NOX3: variants seen among roughly 807,000 people sequenced by gnomAD.
The protein encoded by NOX3 is NADPH oxidase catalytic subunit-like 3.
NOX3 carries 74 observed loss-of-function variants against 76.7 expected under a neutral mutation model. The ratio of observed to expected loss-of-function variants is 0.96; its 90% CI spans 0.80 to 1.17. NOX3 has a LOEUF of 1.17. NOX3 is among the 50% of genes most tolerant of loss of function. NOX3 has a pLI of 0.00. For missense variants in NOX3, 695 were observed against 703.3 expected, an observed-to-expected ratio of 0.99 and a Z score of 0.13; for synonymous variants, 263 against 261.1, an observed-to-expected ratio of 1.01 and a Z score of -0.07.
At chr6:155,408,521 CCTT>C (rs987796705) in intron 11 of NOX3, among the ~76,000 whole-genome samples, 1 of 152,120 alleles carries the variant, frequency 6.6e-6, no homozygotes, top group African/African-American at 2.4e-5. Context: ...TCCTGGCTGA[CCTT>C]CTCTCCAGTC....
chr6:155,419,900 C>T (rs1776667817), intron 10 of NOX3, among the ~76,000 whole-genome samples: 1 of 151,772 alleles, frequency 6.6e-6, no homozygotes, highest in Non-Finnish European at 1.5e-5. Flanking sequence ...ACCTTAATAC[C>T]CTTAAATTTT....
At chr6:155,405,970 A>C (rs1776452371) in intron 12 of NOX3, among the ~76,000 whole-genome samples, 1 of 152,118 alleles carries the variant, frequency 6.6e-6, no homozygotes, top group Admixed American at 6.5e-5. Context: ...CTCCTACAGC[A>C]TGGCTCTTGC....
chr6:155,399,857 C>A (rs163002), intron 12 of NOX3, among the ~76,000 whole-genome samples: 5,827 of 152,072 alleles, frequency 0.038, 183 homozygotes, highest in East Asian at 0.084. Flanking sequence ...AGATTCTCCG[C>A]AAAAGAAGTA....
intron 4 of NOX3, among the ~76,000 whole-genome samples, chr6:155,453,018 A>G (rs926322816): frequency 6.6e-6 from 1 of 152,146 alleles, no homozygotes; most frequent in Non-Finnish European, 1.5e-5. Flanking sequence ...TATTGCCCAC[A>G]ATACTATTTG....
At chr6:155,445,897 A>G (rs1474925330) in intron 4 of NOX3, among the ~76,000 whole-genome samples, 1 of 129,232 alleles carries the variant, frequency 7.7e-6, no homozygotes, top group Non-Finnish European at 1.6e-5. Flanking sequence ...CTATATATAT[A>G]TATTATATAT....
chr6:155,402,470 A>G (rs1213302168), intron 12 of NOX3, among the ~76,000 whole-genome samples: 1 of 152,242 alleles, frequency 6.6e-6, no homozygotes, highest in Non-Finnish European at 1.5e-5. Flanking sequence ...AACAAAAACA[A>G]TAGAACACAC....
chr6:155,450,813 G>A (rs900223580), intron 4 of NOX3, among the ~76,000 whole-genome samples: 5 of 152,146 alleles, frequency 3.3e-5, no homozygotes, highest in Admixed American at 2.6e-4. Context: ...AGATAAGACT[G>A]TGGCAGGGGG....
At chr6:155,438,487 G>A (rs997235688) in intron 6 of NOX3, among the ~76,000 whole-genome samples, 8 of 152,346 alleles carry the variant, frequency 5.3e-5, no homozygotes, top group Admixed American at 1.3e-4. Context: ...CACTTCTTCC[G>A]TGGAGAATGT....
intron 6 of NOX3, among the ~76,000 whole-genome samples, chr6:155,438,633 C>T (rs1776940956): frequency 2.0e-5 from 3 of 152,164 alleles, no homozygotes; most frequent in South Asian, 2.1e-4. Flanking sequence ...AGATTGGAGG[C>T]GTTGTTGACT....
rs141436588 is a variant in NOX3, at chr6:155,432,908, CT to C, written c.799-1974del. On this transcript the variant is annotated intron_variant, in intron 7 of 13. Coordinates refer to ENST00000159060, the MANE Select transcript of NOX3 (RefSeq NM_015718.3). ...ACCGAGCAAAGGAATCCTTAGGTCT[CT>C]TATGCTTGAATGAACCAGAAAGCTT... Among the ~76,000 whole-genome samples, 1,504 of 152,226 alleles carry C rather than the reference CT, an allele frequency of 9.9e-3. 10 individuals are homozygous for C. Among genetic ancestry groups the C allele is most frequent in the East Asian group, 0.03 (157 of 5,180 alleles).
intron 10 of NOX3, among the ~76,000 whole-genome samples, chr6:155,412,752 C>A (rs992825055): frequency 6.6e-6 from 1 of 152,168 alleles, no homozygotes; most frequent in African/African-American, 2.4e-5. Context: ...GGCTCACGTT[C>A]ATCCATCCGT....
intron 12 of NOX3, among the ~76,000 whole-genome samples, chr6:155,406,455 A>G (rs1207455628): frequency 1.3e-5 from 2 of 152,198 alleles, no homozygotes; most frequent in African/African-American, 4.8e-5. Flanking sequence ...ATATAATGAT[A>G]ATAATAATAG....
chr6:155,396,578 T>C (rs913787727), intron 13 of NOX3, among the ~76,000 whole-genome samples: 1 of 152,236 alleles, frequency 6.6e-6, no homozygotes, highest in African/African-American at 2.4e-5. Flanking sequence ...TTTCATGTTA[T>C]AAGAAAATTA....
intron 13 of NOX3, 84 bp downstream of exon 13, chr6:155,396,725 T>A: frequency 8.8e-7 from 1 of 1,142,516 alleles, no homozygotes; most frequent in South Asian, 1.6e-5. Context: ...GACCATACAG[T>A]GCATAGAGCC....
At chr6:155,446,536 C>G (rs111465619) in intron 4 of NOX3, among the ~76,000 whole-genome samples, 1 of 152,164 alleles carries the variant, frequency 6.6e-6, no homozygotes, top group South Asian at 2.1e-4. Context: ...AAGGAATTTG[C>G]TGTTGATTCG....
intron 11 of NOX3, among the ~76,000 whole-genome samples, chr6:155,410,106 A>G (rs77040742): frequency 0.028 from 4,267 of 152,308 alleles, 144 homozygotes; most frequent in East Asian, 0.15. Flanking sequence ...CATAATTAAC[A>G]CTATATAATT....
chr6:155,437,248 G>T (rs1448312365), intron 6 of NOX3, among the ~76,000 whole-genome samples: 1 of 152,138 alleles, frequency 6.6e-6, no homozygotes, highest in Non-Finnish European at 1.5e-5. Flanking sequence ...CAAGCTCCTA[G>T]GGTTCCTTCT....
chr6:155,452,806 C>T (rs1271701607), intron 4 of NOX3, among the ~76,000 whole-genome samples: 1 of 152,162 alleles, frequency 6.6e-6, no homozygotes, highest in Non-Finnish European at 1.5e-5. Flanking sequence ...GACTGCTCCT[C>T]CTCCTTTCTT....
chr6:155,416,884 G>A (rs1208550057), intron 10 of NOX3, among the ~76,000 whole-genome samples: 1 of 151,470 alleles, frequency 6.6e-6, no homozygotes, highest in African/African-American at 2.4e-5. Context: ...CCGAGTAGCT[G>A]GGATTACAGG....
Sources: allele counts gnomAD v4.1 joint callset (sites outside exome capture counted in the v4.1 genomes callset), GRCh38; gene constraint gnomAD v4.1.1; transcripts MANE v1.5; gene names NCBI Gene and HGNC (gene_info 2026-07-23, HGNC 2026-07-21).